The following NCOR2 variants were observed in gnomAD, a reference collection of about 807,000 sequenced individuals.
The protein encoded by NCOR2 is nuclear receptor corepressor 2.
A neutral mutation model predicts 262.9 loss-of-function variants in NCOR2; 81 were observed. The observed-to-expected ratio is 0.31, with a 90% CI of 0.26 to 0.37. NCOR2 has a LOEUF of 0.37. Ranked by LOEUF, NCOR2 falls within the 10% of genes least tolerant of loss-of-function variation. NCOR2 has a pLI of 1.00. For missense variants in NCOR2, 3,385 were observed against 3,621.4 expected, an observed-to-expected ratio of 0.93 and a Z score of 1.68; for synonymous variants, 1,659 against 1,559.3, an observed-to-expected ratio of 1.06 and a Z score of -1.51.
intron 1 of NCOR2, among the ~76,000 whole-genome samples, chr12:124,558,907 T>A (rs2051976591): frequency 6.6e-6 from 1 of 152,194 alleles, no homozygotes; most frequent in Admixed American, 6.5e-5. Context: ...CCTTTATTAT[T>A]GCCCAAGGCC....
At chr12:124,417,434 T>C (rs1251215417) in intron 13 of NCOR2, among the ~76,000 whole-genome samples, 1 of 152,132 alleles carries the variant, frequency 6.6e-6, no homozygotes, top group Non-Finnish European at 1.5e-5. Context: ...AATGTGGCTC[T>C]CACACAGGGG....
At chr12:124,553,531 G>A (rs1299766373) in intron 1 of NCOR2, among the ~76,000 whole-genome samples, 1 of 152,190 alleles carries the variant, frequency 6.6e-6, no homozygotes, top group Non-Finnish European at 1.5e-5. Context: ...CTGCTACACA[G>A]CATGGGTGAG....
At chr12:124,344,225 C>A (rs1039587540) in intron 32 of NCOR2, among the ~76,000 whole-genome samples, 1 of 152,206 alleles carries the variant, frequency 6.6e-6, no homozygotes, top group Non-Finnish European at 1.5e-5. Context: ...AGGCAGGGCC[C>A]CAACAGGCAG....
rs998964411 is a variant in NCOR2, at chr12:124,389,867, A to G, written c.1877-3980T>C. Among the ~76,000 whole-genome samples the G allele has an allele frequency of 2.6e-5, 4 of 152,000 alleles. 1 individual carries two copies. In the East Asian group the frequency reaches 5.8e-4, roughly 22 times the overall value. ...AGAGCCCCTGCAGCCGTGAAGGAACACTGTGGGAAATGCCGGGGAGCCACC... is the reference window on the plus strand; with the variant it reads ...AGAGCCCCTGCAGCCGTGAAGGAACGCTGTGGGAAATGCCGGGGAGCCACC... On this transcript the variant is annotated intron_variant, in intron 16 of 46. Coordinates refer to ENST00000405201, the Ensembl canonical transcript of NCOR2. This position sits in a 1 kb window ranked among gnomAD's most constrained non-coding sequence, Gnocchi z 4.4.
intron 16 of NCOR2, among the ~76,000 whole-genome samples, chr12:124,386,790 C>A (rs1425801926): frequency 6.6e-6 from 1 of 152,256 alleles, no homozygotes; most frequent in East Asian, 1.9e-4. Flanking sequence ...CCCCCGGTCT[C>A]GGCCTGTCTG....
At chr12:124,508,884 G>A (rs1355924955) in intron 1 of NCOR2, among the ~76,000 whole-genome samples, 1 of 152,218 alleles carries the variant, frequency 6.6e-6, no homozygotes, top group Non-Finnish European at 1.5e-5. Flanking sequence ...GCTGAAGCGG[G>A]CTGATGGGGG....
chr12:124,325,643 C>A, intron 46 of NCOR2, 60 bp from the exon 49 acceptor site: 2 of 1,157,622 alleles, frequency 1.7e-6, no homozygotes, highest in South Asian at 7.7e-5. Context: ...CCCCTGCTGG[C>A]CGCCTGCCCA....
In NCOR2 at chr12:124,482,512, T is replaced by C. The variant is rs541021342; in HGVS notation, c.411+1084A>G. On this transcript the variant is annotated intron_variant, in intron 3 of 46. Coordinates refer to ENST00000405201, the Ensembl canonical transcript of NCOR2. This position sits in a 1 kb window ranked among gnomAD's most constrained non-coding sequence, Gnocchi z 6.3. The stretch of plus-strand genomic sequence containing the variant: ...ATGCCGGCTCACGGGTGCCAAATAG[T>C]TCCCACGCATGGGGCCCACAGCCGA... Among the ~76,000 whole-genome samples, 2 of 152,168 alleles carry C rather than the reference T, an allele frequency of 1.3e-5. No homozygotes were observed. Among genetic ancestry groups the C allele is most frequent in the South Asian group, 2.1e-4 (1 of 4,822 alleles).
At chr12:124,325,548 G>A (rs868431451) in exon 47 of NCOR2, 4 of 1,331,796 alleles carry the variant, frequency 3.0e-6, no homozygotes, top group South Asian at 2.1e-5. Context: ...GCCTGCAGCC[G>A]CATGATCAGG....
upstream of NCOR2, among the ~76,000 whole-genome samples, chr12:124,498,826 C>T (rs928341701): frequency 6.6e-6 from 1 of 152,204 alleles, no homozygotes; most frequent in African/African-American, 2.4e-5. Flanking sequence ...CGAAGGACGG[C>T]TGTGTCCTAC....
chr12:124,543,957 TAAC>T (rs1456770346), intron 1 of NCOR2, among the ~76,000 whole-genome samples: 2 of 152,198 alleles, frequency 1.3e-5, no homozygotes, highest in African/African-American at 4.8e-5. Flanking sequence ...GTTTAATTCT[TAAC>T]AACCGCCCCA....
chr12:124,334,066 T>TC (rs1157934849), intron 41 of NCOR2, among the ~76,000 whole-genome samples: 1 of 137,592 alleles, frequency 7.3e-6, no homozygotes, highest in Non-Finnish European at 1.7e-5. Flanking sequence ...CTGGAACAAA[T>TC]CCCCCTCTGT....
At chr12:124,345,458 TG>T (rs940725821) in intron 31 of NCOR2, among the ~76,000 whole-genome samples, 3 of 151,946 alleles carry the variant, frequency 2.0e-5, no homozygotes, top group Non-Finnish European at 4.4e-5. Context: ...GGTGAGGAAA[TG>T]GGGGGGTCAC....
chr12:124,426,856 C>T (rs900167867), intron 10 of NCOR2, 56 bp from the exon 13 acceptor site: 34 of 1,474,844 alleles, frequency 2.3e-5, no homozygotes, highest in African/African-American at 1.7e-4. Flanking sequence ...CTCCGGCCGG[C>T]GCAGGGGACC....
rs866019232 is a variant in NCOR2, at chr12:124,378,291, TCTC to T, written c.2110_2112del (p.Glu704del). 2.5e-6 allele frequency: 4 copies of T among 1,613,794 alleles called. No individual in the cohort carries two copies. The highest frequency in any genetic ancestry group is 3.4e-6 in the Non-Finnish European group (4 of 1,179,880). On this transcript the variant is annotated inframe_deletion, in exon 18 of 47. Coordinates refer to ENST00000405201, the Ensembl canonical transcript of NCOR2. This position sits in a 1 kb window ranked among gnomAD's most constrained non-coding sequence, Gnocchi z 4.2. ...TTTCCGCTCACGCCCGACGCCTCCA[TCTC>T]CTCATCCTCCACCACGGGCGGGAAT... is the stretch of plus-strand genomic sequence containing the variant.
intron 1 of NCOR2, among the ~76,000 whole-genome samples, chr12:124,516,383 G>A (rs1054531514): frequency 3.3e-5 from 5 of 152,194 alleles, no homozygotes; most frequent in Non-Finnish European, 5.9e-5. Context: ...AGGCAGGCAT[G>A]GGGGGAGACC....
intron 1 of NCOR2, among the ~76,000 whole-genome samples, chr12:124,493,819 G>A (rs553107978): frequency 2.6e-5 from 4 of 152,282 alleles, no homozygotes; most frequent in Admixed American, 1.3e-4. Flanking sequence ...ACGGGGGAGT[G>A]GGGGGACACA....
exon 4 of NCOR2, chr12:124,473,080 G>A: frequency 6.2e-7 from 1 of 1,614,046 alleles, no homozygotes; most frequent in South Asian, 1.1e-5. Flanking sequence ...GGGTCAGTGT[G>A]CGGGGGGCTG....
At chr12:124,565,152 C>A (rs2052194574) in intron 1 of NCOR2, among the ~76,000 whole-genome samples, 1 of 152,166 alleles carries the variant, frequency 6.6e-6, no homozygotes, top group Admixed American at 6.5e-5. Context: ...GGCCTGACAG[C>A]CACATTACCA....
Sources: gnomAD v4.1 joint callset for allele counts (sites outside exome capture counted in the v4.1 genomes callset) on GRCh38, gnomAD v4.1.1 for gene constraint, Gnocchi (gnomAD v3.1) non-coding constraint, MANE v1.5 for transcripts, NCBI Gene and HGNC (gene_info 2026-07-23, HGNC 2026-07-21) for gene names.